GRAMD2B: variants seen among roughly 807,000 people sequenced by gnomAD.
GRAMD2B encodes the protein GRAM domain containing 2B.
In GRAMD2B, 41 loss-of-function variants were observed where a neutral mutation model predicts 59.2. That is an observed-to-expected ratio of 0.69 (90% CI 0.54 to 0.90). GRAMD2B has a LOEUF of 0.90. GRAMD2B is among the 40% of genes least tolerant of loss of function. GRAMD2B has a pLI of 0.00. For missense variants in GRAMD2B, 424 were observed against 500.5 expected, an observed-to-expected ratio of 0.85 and a Z score of 1.46; for synonymous variants, 161 against 182.7, an observed-to-expected ratio of 0.88 and a Z score of 0.96.
At chr5:126,419,870 T>C (rs1759574346), upstream of GRAMD2B, among the ~76,000 whole-genome samples, 1 of 151,500 alleles carries the variant, frequency 6.6e-6, no homozygotes, top group Non-Finnish European at 1.5e-5. Context: ...GCCTGGCCAA[T>C]ATGGTGAAAC....
rs140355238 is a variant in GRAMD2B, at chr5:126,484,804, G to A, written c.970+280G>A. 6.8e-3 allele frequency among the ~76,000 whole-genome samples: 1,041 copies of A among 151,978 alleles called. 18 individuals are homozygous for A. Among genetic ancestry groups the A allele is most frequent in the African/African-American group, 0.024 (1,012 of 41,440 alleles). Reference sequence around the variant, plus strand: ...TCACCATTTTGGTCAGGCTAGTCTCGAACTCCTGACCTCTAGTGATCCACC... The same window carrying A: ...TCACCATTTTGGTCAGGCTAGTCTCAAACTCCTGACCTCTAGTGATCCACC... On this transcript the variant is annotated intron_variant, in intron 10 of 13. Coordinates refer to ENST00000285689, the MANE Select transcript of GRAMD2B (RefSeq NM_023927.4).
At chr5:126,467,266 T>C (rs895683853) in intron 2 of GRAMD2B, among the ~76,000 whole-genome samples, 15 of 152,128 alleles carry the variant, frequency 9.9e-5, no homozygotes, top group Non-Finnish European at 1.9e-4. Flanking sequence ...TGAGACTTTG[T>C]CTCTATATAA....
intron 1 of GRAMD2B, among the ~76,000 whole-genome samples, chr5:126,383,614 A>G (rs1331989147): frequency 6.6e-6 from 1 of 152,218 alleles, no homozygotes; most frequent in Non-Finnish European, 1.5e-5. Flanking sequence ...AACAGGAAAA[A>G]AAAAAGTTTT....
chr5:126,393,120 CT>C (rs1756989510), intron 1 of GRAMD2B, among the ~76,000 whole-genome samples: 1 of 152,078 alleles, frequency 6.6e-6, no homozygotes, highest in African/African-American at 2.4e-5. Context: ...TACCTTTTCC[CT>C]TTTTTCTCCC....
chr5:126,465,711 T>C (rs1768214818), intron 2 of GRAMD2B, among the ~76,000 whole-genome samples, 166 bp downstream of exon 2: 1 of 152,166 alleles, frequency 6.6e-6, no homozygotes, highest in Non-Finnish European at 1.5e-5. Context: ...GTAGCATCTT[T>C]TTCTCCCTCC....
intron 2 of GRAMD2B, among the ~76,000 whole-genome samples, chr5:126,468,240 G>C (rs1236275727): frequency 1.3e-5 from 2 of 152,154 alleles, no homozygotes; most frequent in Non-Finnish European, 2.9e-5. Context: ...GGAAAACCAG[G>C]ACTAGAATCA....
chr5:126,437,053 G>A (rs1056025562), intron 1 of GRAMD2B, among the ~76,000 whole-genome samples: 7 of 152,254 alleles, frequency 4.6e-5, no homozygotes, highest in Non-Finnish European at 8.8e-5. Flanking sequence ...ACATGTTTTT[G>A]TGATGAGAAG....
intron 1 of GRAMD2B, among the ~76,000 whole-genome samples, chr5:126,406,451 C>A (rs954133571): frequency 2.6e-5 from 4 of 151,782 alleles, no homozygotes; most frequent in African/African-American, 9.7e-5. Flanking sequence ...TATGCATATA[C>A]CCATGTAACT....
intron 1 of GRAMD2B, among the ~76,000 whole-genome samples, chr5:126,448,334 G>C (rs991840867): frequency 6.6e-6 from 1 of 151,982 alleles, no homozygotes; most frequent in African/African-American, 2.4e-5. Flanking sequence ...GATAAACAGT[G>C]CTTGCAAGGG....
intron 1 of GRAMD2B, among the ~76,000 whole-genome samples, chr5:126,384,608 C>A (rs1755953978): frequency 6.6e-6 from 1 of 152,244 alleles, no homozygotes. Context: ...CAGGTATCTT[C>A]AGTGGTCTCA....
At chr5:126,412,250 C>T (rs1223142859) in intron 1 of GRAMD2B, among the ~76,000 whole-genome samples, 1 of 151,938 alleles carries the variant, frequency 6.6e-6, no homozygotes. Flanking sequence ...TGGCTTTGTC[C>T]TAGATGGCTC....
At chr5:126,463,671 T>C (rs1188624809) in intron 1 of GRAMD2B, among the ~76,000 whole-genome samples, 8 of 152,322 alleles carry the variant, frequency 5.3e-5, no homozygotes, top group African/African-American at 1.4e-4. Flanking sequence ...TGGACCTCTG[T>C]CCTCAGATAT....
chr5:126,416,735 C>T (rs1348043818), intron 1 of GRAMD2B, among the ~76,000 whole-genome samples: 3 of 152,150 alleles, frequency 2.0e-5, no homozygotes, highest in South Asian at 2.1e-4. Context: ...TCTGTACCTT[C>T]GCTCTTCCCT....
intron 1 of GRAMD2B, among the ~76,000 whole-genome samples, chr5:126,427,799 TA>T (rs1459001135): frequency 6.6e-6 from 1 of 152,290 alleles, no homozygotes; most frequent in East Asian, 1.9e-4. Flanking sequence ...GCAAGAGAAA[TA>T]AAGGCAAATA....
chr5:126,397,592 G>A (rs934757739), intron 1 of GRAMD2B, among the ~76,000 whole-genome samples: 1 of 152,018 alleles, frequency 6.6e-6, no homozygotes, highest in African/African-American at 2.4e-5. Context: ...AAAGGATGTC[G>A]AACTGTGTCA....
At chr5:126,372,135 T>TCCA (rs1754812498) in intron 1 of GRAMD2B, among the ~76,000 whole-genome samples, 1 of 152,214 alleles carries the variant, frequency 6.6e-6, no homozygotes, top group Non-Finnish European at 1.5e-5. Flanking sequence ...CACATTAATA[T>TCCA]CCACATCAAC....
upstream of GRAMD2B, among the ~76,000 whole-genome samples, chr5:126,421,827 T>A (rs527424478): frequency 2.8e-4 from 42 of 152,220 alleles, no homozygotes; most frequent in Non-Finnish European, 4.4e-4. Flanking sequence ...ACAAACTACA[T>A]ACATACATGT....
intron 1 of GRAMD2B, among the ~76,000 whole-genome samples, chr5:126,439,188 A>C (rs1304866008): frequency 6.6e-6 from 1 of 152,204 alleles, no homozygotes; most frequent in Non-Finnish European, 1.5e-5. Context: ...GGTTGAATGC[A>C]ATAGGAACAC....
intron 1 of GRAMD2B, among the ~76,000 whole-genome samples, chr5:126,436,438 C>T (rs1762419246): frequency 1.3e-5 from 2 of 152,010 alleles, no homozygotes; most frequent in African/African-American, 4.8e-5. Context: ...CACTTGAGGC[C>T]AGGAGTTGGA....
Sources: allele counts gnomAD v4.1 joint callset (sites outside exome capture counted in the v4.1 genomes callset), GRCh38; gene constraint gnomAD v4.1.1; transcripts MANE v1.5; gene names NCBI Gene and HGNC (gene_info 2026-07-23, HGNC 2026-07-21).